The following ZNF536 variants were observed in gnomAD, a reference collection of about 807,000 sequenced individuals.
The protein encoded by ZNF536 is zinc finger protein 536.
Under a neutral mutation model 84.5 loss-of-function variants are expected in ZNF536, and 13 were observed. The ratio of observed to expected loss-of-function variants is 0.15; its 90% CI spans 0.10 to 0.24. The LOEUF is 0.24. Among genes scored for constraint, ZNF536 ranks in the 10% least tolerant of loss-of-function variants. The pLI, the probability that ZNF536 is intolerant of heterozygous loss-of-function variation, is 1.00. For missense variants in ZNF536, 1,536 were observed against 1,747.5 expected (o/e 0.88, Z 2.16); for synonymous variants, 811 against 742.5 (o/e 1.09, Z -1.50).
At chr19:30,338,530 G>C (rs1374666674) in intron 2 of ZNF536, among the ~76,000 whole-genome samples, 2 of 152,104 alleles carry the variant, frequency 1.3e-5, no homozygotes, top group Non-Finnish European at 2.9e-5. Flanking sequence ...TGCTACTGCT[G>C]ATGATGGTGA....
At chr19:30,412,655 T>G (rs1188844629) in intron 1 of ZNF536, among the ~76,000 whole-genome samples, 4 of 151,952 alleles carry the variant, frequency 2.6e-5, no homozygotes, top group Middle Eastern at 3.2e-3. Context: ...GTAATTCTTG[T>G]CCTTCCTTTT....
chr19:30,399,862 A>G (rs1381612078), intron 1 of ZNF536, among the ~76,000 whole-genome samples: 1 of 151,680 alleles, frequency 6.6e-6, no homozygotes, highest in Non-Finnish European at 1.5e-5. Context: ...TCAATTTTGT[A>G]TTTGTGGTAG....
intron 1 of ZNF536, among the ~76,000 whole-genome samples, chr19:30,280,123 C>T (rs1193587553): frequency 6.6e-6 from 1 of 152,144 alleles, no homozygotes. Flanking sequence ...TCGCCTCCAT[C>T]TGTCCATCTG....
At chr19:30,359,318 G>A (rs992237196) in intron 3 of ZNF536, among the ~76,000 whole-genome samples, 4 of 152,210 alleles carry the variant, frequency 2.6e-5, no homozygotes, top group Admixed American at 2.0e-4. Context: ...GGCCAGTGCG[G>A]CCCTGAGCTG....
intron 2 of ZNF536, among the ~76,000 whole-genome samples, chr19:30,508,651 C>G (rs574624976): frequency 6.6e-6 from 1 of 151,854 alleles, no homozygotes; most frequent in South Asian, 2.1e-4. Context: ...ACCTAGGTGC[C>G]CTAGAAAATG....
At chr19:30,709,616 T>TTTTG (rs572050227) in intron 1 of ZNF536, among the ~76,000 whole-genome samples, 11 of 152,118 alleles carry the variant, frequency 7.2e-5, no homozygotes, top group African/African-American at 2.2e-4. Context: ...TTGCCTGGTT[T>TTTTG]TTTGTTTGTT....
chr19:30,371,350 A>C (rs941680166), upstream of ZNF536, among the ~76,000 whole-genome samples: 2 of 152,032 alleles, frequency 1.3e-5, no homozygotes, highest in Non-Finnish European at 2.9e-5. Context: ...CGCTCTCATC[A>C]CTCCAGTATG....
At chr19:30,245,185 C>T (rs1163232954) in intron 1 of ZNF536, among the ~76,000 whole-genome samples, 1 of 152,204 alleles carries the variant, frequency 6.6e-6, no homozygotes, top group Non-Finnish European at 1.5e-5. Context: ...ACCTGGCTGC[C>T]CCAGCACAAT....
chr19:30,596,829 T>G (rs2047481796), intron 1 of ZNF536, among the ~76,000 whole-genome samples: 1 of 151,440 alleles, frequency 6.6e-6, no homozygotes, highest in African/African-American at 2.4e-5. Context: ...ATGAGGCAGA[T>G]TTCATCTGCT....
chr19:30,268,329 A>G (rs1352946839), intron 1 of ZNF536, among the ~76,000 whole-genome samples: 1 of 152,156 alleles, frequency 6.6e-6, no homozygotes, highest in African/African-American at 2.4e-5. Flanking sequence ...GGTCAGTGCT[A>G]TTAGTCCACC....
intron 1 of ZNF536, among the ~76,000 whole-genome samples, chr19:30,391,871 TA>T (rs1034028028): frequency 1.1e-4 from 16 of 152,336 alleles, no homozygotes; most frequent in African/African-American, 3.6e-4. Flanking sequence ...CCTGGTACTG[TA>T]ACCTTAAACC....
chr19:30,367,832 A>G (rs1259827707), upstream of ZNF536, among the ~76,000 whole-genome samples: 2 of 152,126 alleles, frequency 1.3e-5, no homozygotes, highest in African/African-American at 4.8e-5. Context: ...CGTCTTGCCT[A>G]CCACCTCGAT....
chr19:30,382,547 G>A (rs2049062363), intron 1 of ZNF536, among the ~76,000 whole-genome samples: 1 of 150,178 alleles, frequency 6.7e-6, no homozygotes, highest in Non-Finnish European at 1.5e-5. Context: ...CATTCTTTTG[G>A]TGGATGGGAT....
chr19:30,561,358 A>G (rs2046158375), downstream of ZNF536, among the ~76,000 whole-genome samples: 1 of 152,152 alleles, frequency 6.6e-6, no homozygotes, highest in Admixed American at 6.5e-5. Context: ...TGAGGTGCAC[A>G]GTGGCCCCAG....
chr19:30,457,341 C>T (rs2052901984), intron 2 of ZNF536, among the ~76,000 whole-genome samples: 1 of 152,256 alleles, frequency 6.6e-6, no homozygotes. Context: ...CTTTTAGCCA[C>T]TGTGGCTGGC....
downstream of ZNF536, among the ~76,000 whole-genome samples, chr19:30,562,300 C>G (rs10419698): frequency 0.019 from 2,879 of 152,200 alleles, 88 homozygotes; most frequent in African/African-American, 0.066. Context: ...GTTCTGGTTT[C>G]CCACAAGCAT....
At chr19:30,430,338 C>A (rs898627121) in intron 1 of ZNF536, among the ~76,000 whole-genome samples, 1 of 152,180 alleles carries the variant, frequency 6.6e-6, no homozygotes, top group Non-Finnish European at 1.5e-5. Context: ...AGTCACTCAG[C>A]AAATGTTCAT....
intron 2 of ZNF536, among the ~76,000 whole-genome samples, chr19:30,327,970 A>C (rs115573183): frequency 0.011 from 1,722 of 152,314 alleles, 36 homozygotes; most frequent in African/African-American, 0.038. Context: ...TAGTGGGGAC[A>C]GGTCAGACTC....
intron 1 of ZNF536, among the ~76,000 whole-genome samples, chr19:30,630,573 C>T (rs539737079): frequency 6.6e-5 from 10 of 152,290 alleles, no homozygotes; most frequent in Non-Finnish European, 1.2e-4. Context: ...AGCCCTGGCC[C>T]GCAGACCCTG....
Sources: allele counts gnomAD v4.1 joint callset (sites outside exome capture counted in the v4.1 genomes callset), GRCh38; gene constraint gnomAD v4.1.1; transcripts MANE v1.5; gene names NCBI Gene and HGNC (gene_info 2026-07-23, HGNC 2026-07-21).